Variants in FGF14 observed in about 807,000 individuals in gnomAD.
The protein encoded by FGF14 is fibroblast growth factor homologous factor 4.
FGF14 carries 5 observed loss-of-function variants against 25.5 expected under a neutral mutation model. The ratio of observed to expected loss-of-function variants is 0.20; its 90% CI spans 0.10 to 0.41. FGF14 has a LOEUF of 0.41. FGF14 is among the 10% of genes least tolerant of loss of function. The probability of loss-of-function intolerance (pLI) is 1.00; values close to 1 mark genes in which losing one functional copy is unlikely to be tolerated. For synonymous variants in FGF14, 138 were observed against 118.3 expected, an observed-to-expected ratio of 1.17 and a Z score of -1.08; for missense variants, 222 against 320.1, an observed-to-expected ratio of 0.69 and a Z score of 2.34.
chr13:101,959,379 T>C (rs2036704086), intron 1 of FGF14, among the ~76,000 whole-genome samples: 1 of 152,128 alleles, frequency 6.6e-6, no homozygotes. Flanking sequence ...CTCGCTGCAA[T>C]GTGTAGTAAC....
upstream of FGF14, among the ~76,000 whole-genome samples, chr13:101,919,137 T>C (rs755142827): frequency 2.6e-5 from 4 of 152,168 alleles, no homozygotes; most frequent in Non-Finnish European, 5.9e-5. Context: ...ACTAAATGGC[T>C]ATTGAGTGTG....
At chr13:101,863,902 A>G (rs2140425316) in intron 3 of FGF14, among the ~76,000 whole-genome samples, 1 of 152,216 alleles carries the variant, frequency 6.6e-6, no homozygotes, top group Middle Eastern at 3.4e-3. Context: ...AAAGCTAAGG[A>G]CAGACGGAAA....
rs371180127 is a variant in FGF14, at chr13:101,768,234, AAT to A, written c.409-41426_409-41425del. Among the ~76,000 whole-genome samples the A allele has an allele frequency of 3.7e-3, 557 of 152,268 alleles. 3 individuals are homozygous for A. Among genetic ancestry groups the A allele is most frequent in the African/African-American group, 0.013 (523 of 41,562 alleles). On this transcript the variant is annotated intron_variant, in intron 3 of 4. Coordinates refer to ENST00000376143, the MANE Select transcript of FGF14 (RefSeq NM_004115.4). Reference sequence around the variant, plus strand: ...TGTCCACATAAAACAGTGGGAAGAAAATATGTTTAAAAGTACATTTACTAACA... The same window carrying A: ...TGTCCACATAAAACAGTGGGAAGAAAATGTTTAAAAGTACATTTACTAACA...
chr13:101,784,906 T>C (rs2039714982), intron 3 of FGF14, among the ~76,000 whole-genome samples: 1 of 152,096 alleles, frequency 6.6e-6, no homozygotes, highest in African/African-American at 2.4e-5. Context: ...GATGCTAAGG[T>C]GGCTTTAACA....
chr13:101,819,892 G>A (rs916912889), intron 3 of FGF14, among the ~76,000 whole-genome samples: 2 of 152,100 alleles, frequency 1.3e-5, no homozygotes, highest in South Asian at 2.1e-4. Flanking sequence ...TGATGGATGC[G>A]ACGGAAAGAT....
chr13:101,906,301 G>A (rs2032235456), intron 1 of FGF14, among the ~76,000 whole-genome samples: 1 of 152,100 alleles, frequency 6.6e-6, no homozygotes, highest in Non-Finnish European at 1.5e-5. Context: ...TTAAGGTGCT[G>A]GTGGCATTTA....
intron 1 of FGF14, among the ~76,000 whole-genome samples, chr13:102,284,717 C>T (rs1369281051): frequency 6.6e-6 from 1 of 152,012 alleles, no homozygotes; most frequent in Non-Finnish European, 1.5e-5. Flanking sequence ...CTAAAGCATT[C>T]CAGCAGGAAT....
chr13:101,944,507 T>G (rs2035680816), intron 1 of FGF14, among the ~76,000 whole-genome samples: 1 of 152,206 alleles, frequency 6.6e-6, no homozygotes, highest in South Asian at 2.1e-4. Flanking sequence ...GGTCATAGTT[T>G]GCCAATCCCT....
intron 1 of FGF14, among the ~76,000 whole-genome samples, chr13:102,097,882 G>A (rs368850829): frequency 4.2e-4 from 64 of 152,240 alleles, no homozygotes; most frequent in East Asian, 2.3e-3. Context: ...AGAGCACATG[G>A]GTGTCAAAAC....
intron 3 of FGF14, among the ~76,000 whole-genome samples, chr13:101,826,855 G>A (rs1217850804): frequency 1.3e-5 from 2 of 151,906 alleles, no homozygotes; most frequent in Non-Finnish European, 2.9e-5. Flanking sequence ...GCAGAGTAGT[G>A]CTCACTGTGG....
At chr13:101,961,889 T>C (rs1248349140) in intron 1 of FGF14, among the ~76,000 whole-genome samples, 3 of 152,212 alleles carry the variant, frequency 2.0e-5, no homozygotes, top group Non-Finnish European at 4.4e-5. Context: ...TATTTCTTCA[T>C]AGCAGTGTGA....
chr13:102,058,590 A>C (rs2042539556), intron 1 of FGF14, among the ~76,000 whole-genome samples: 1 of 152,240 alleles, frequency 6.6e-6, no homozygotes, highest in Non-Finnish European at 1.5e-5. Context: ...GTAAAAAATA[A>C]AACAATTATA....
chr13:102,318,116 C>T (rs1160761980), intron 1 of FGF14, among the ~76,000 whole-genome samples: 3 of 152,154 alleles, frequency 2.0e-5, no homozygotes, highest in Admixed American at 1.3e-4. Context: ...GAGGCCCCAG[C>T]CACCTGGGTC....
chr13:102,308,913 A>G (rs893926557), intron 1 of FGF14, among the ~76,000 whole-genome samples: 14 of 137,578 alleles, frequency 1.0e-4, no homozygotes, highest in Non-Finnish European at 2.0e-4. Flanking sequence ...AGGGTTTCTT[A>G]TACAAAAAAA....
In FGF14 at chr13:102,347,791, C is replaced by T. The variant is rs955924606; in HGVS notation, c.208+53680G>A. The stretch of plus-strand genomic sequence containing the variant: ...TAGAGAGGAAACAGTCTACTTTTAA[C>T]CCGAAATTCGAATGGAATCATATGA... On this transcript the variant is annotated intron_variant, in intron 1 of 4. Transcript: ENST00000376131. 2.0e-5 allele frequency among the ~76,000 whole-genome samples: 3 copies of T among 152,040 alleles called. No individual in the cohort carries two copies. The South Asian group carries it at 6.2e-4, about 32-fold the overall frequency.
intron 1 of FGF14, among the ~76,000 whole-genome samples, chr13:102,013,310 T>C (rs993601218): frequency 3.3e-5 from 5 of 152,192 alleles, no homozygotes; most frequent in Non-Finnish European, 7.3e-5. Context: ...TAAAATTTAA[T>C]TTAAAAATTG....
intron 1 of FGF14, among the ~76,000 whole-genome samples, chr13:102,198,565 G>T (rs1435121228): frequency 6.6e-6 from 1 of 152,180 alleles, no homozygotes; most frequent in Non-Finnish European, 1.5e-5. Flanking sequence ...TGGGAAAATT[G>T]AACGGAGCGT....
At chr13:102,160,297 C>T (rs1042853785) in intron 1 of FGF14, among the ~76,000 whole-genome samples, 3 of 152,098 alleles carry the variant, frequency 2.0e-5, no homozygotes, top group Admixed American at 2.0e-4. Flanking sequence ...TGGTCTCTTC[C>T]CCCAGGGACA....
At chr13:102,292,494 C>T (rs184178277) in intron 1 of FGF14, 1 of 152,222 alleles carries the variant, frequency 6.6e-6, no homozygotes, top group Non-Finnish European at 1.5e-5. Context: ...TGGACATCAG[C>T]TTGTTCTGGG....
Sources: gnomAD v4.1 joint callset for allele counts (sites outside exome capture counted in the v4.1 genomes callset) on GRCh38, gnomAD v4.1.1 for gene constraint, MANE v1.5 for transcripts, NCBI Gene and HGNC (gene_info 2026-07-23, HGNC 2026-07-21) for gene names.